The following SPTBN1 variants were observed in gnomAD, a reference collection of about 807,000 sequenced individuals.
SPTBN1 encodes spectrin beta, non-erythrocytic 1, also known as spectrin beta chain, non-erythrocytic 1.
SPTBN1 carries 32 observed loss-of-function variants against 266.4 expected under a neutral mutation model. That is an observed-to-expected ratio of 0.12 (90% CI 0.09 to 0.16). The LOEUF (loss-of-function observed/expected upper bound fraction) is 0.16. Ranked by LOEUF, SPTBN1 falls within the 10% of genes least tolerant of loss-of-function variation. The probability of loss-of-function intolerance (pLI) is 1.00; values close to 1 mark genes in which losing one functional copy is unlikely to be tolerated. For missense variants in SPTBN1, 2,296 were observed against 3,067.1 expected (o/e 0.75, Z 5.94); for synonymous variants, 1,336 against 1,162.2 (o/e 1.15, Z -3.04).
Position 54,477,012 on chromosome 2 carries a change from C to G in SPTBN1, c.-48+20494C>G, listed in dbSNP as rs865901708. 1.7e-3 allele frequency among the ~76,000 whole-genome samples: 160 copies of G among 96,002 alleles called. No homozygotes were observed. In the Middle Eastern group the frequency reaches 0.025, roughly 15 times the overall value. 63.0% of individuals were successfully genotyped at this position (96,002 alleles called of 152,430 possible). On this transcript the variant is annotated intron_variant, in intron 1 of 35. Coordinates refer to ENST00000356805, the MANE Select transcript of SPTBN1 (RefSeq NM_003128.3). The stretch of plus-strand genomic sequence containing the variant: ...GGTTTGGACAGATGGTCCAAACACA[C>G]CGAGTTTTTTTTTTATTGGCTTCAG...
At position 54,616,443 on chromosome 2, in the gene SPTBN1, T is replaced by C. The variant is rs1677618535; in HGVS notation, c.566+145T>C. 5 of 560,086 alleles carry C rather than the reference T, an allele frequency of 8.9e-6. No homozygotes were observed. In the South Asian group the frequency reaches 1.4e-4, roughly 16 times the overall value. 34.7% of individuals were successfully genotyped at this position (560,086 alleles called of 1,614,324 possible). ...AACTCGCAAGCAGTTGATATGACTT[T>C]TCAATTAGCTCTCAGAATGAAAGGA... is the stretch of plus-strand genomic sequence containing the variant. On this transcript the variant is annotated intron_variant, in intron 5 of 35. Transcript: ENST00000356805.
chr2:54,665,978 G>T lies in SPTBN1; in HGVS notation c.6723G>T (p.Lys2241Asn). ...AAATGGGTTTCTACAAAGATGCAAA[G>T]ACTGCTGCTTCTGGAATTCCCTACC... is the stretch of plus-strand genomic sequence containing the variant. ...NQEMGFYKDA[K>N]TAASGIPYHS... The change falls in exon 34 of 36, where the codon AAG (lysine) becomes AAT (asparagine). Residue 2241 changes from lysine to asparagine, a missense_variant. Physicochemically the swap from Lys to Asn is moderately conservative, Grantham distance 94 (BLOSUM62 0). This residue lies in a region of SPTBN1 where 347 missense variants were observed against 368.5 expected (regional missense o/e 0.94). Transcript: ENST00000356805. 1.2e-6 allele frequency: 2 copies of T among 1,614,114 alleles called. No individual in the cohort carries two copies. Among genetic ancestry groups the T allele is most frequent in the Non-Finnish European group, 1.7e-6 (2 of 1,180,024 alleles).
chr2:54,605,407 G>A (rs894140569), intron 3 of SPTBN1, among the ~76,000 whole-genome samples: 4 of 152,138 alleles, frequency 2.6e-5, no homozygotes, highest in African/African-American at 9.7e-5. Flanking sequence ...CTGAGCCACT[G>A]TGTCTTCATG....
At chr2:54,647,345 G>A in intron 24 of SPTBN1, 84 bp downstream of exon 24, 1 of 1,549,528 alleles carries the variant, frequency 6.5e-7, no homozygotes, top group Non-Finnish European at 8.7e-7. Flanking sequence ...AAAAGAAAAT[G>A]TCAGCATTCA....
intron 2 of SPTBN1, among the ~76,000 whole-genome samples, chr2:54,581,527 C>T (rs929546570): frequency 1.3e-5 from 2 of 150,826 alleles, no homozygotes; most frequent in African/African-American, 2.4e-5. Flanking sequence ...GCAGGCAAGC[C>T]GACCCTTGGG....
chr2:54,527,134 C>G (rs1670863710), intron 2 of SPTBN1: 2 of 151,412 alleles, frequency 1.3e-5, no homozygotes, highest in Admixed American at 6.6e-5. Context: ...AGCACACTTT[C>G]TCCATGGCCC....
At chr2:54,537,353 T>C (rs1671674628) in intron 2 of SPTBN1, among the ~76,000 whole-genome samples, 1 of 152,220 alleles carries the variant, frequency 6.6e-6, no homozygotes, top group Non-Finnish European at 1.5e-5. Flanking sequence ...GGGGTTTTGA[T>C]TGACCCGGAA....
intron 2 of SPTBN1, among the ~76,000 whole-genome samples, chr2:54,563,694 T>C (rs1673481429): frequency 7.1e-6 from 1 of 140,386 alleles, no homozygotes; most frequent in African/African-American, 2.6e-5. Flanking sequence ...ACCTCTGCCT[T>C]CCGGGTTCAA....
At chr2:54,478,272 C>T (rs1667939067) in intron 1 of SPTBN1, among the ~76,000 whole-genome samples, 1 of 152,060 alleles carries the variant, frequency 6.6e-6, no homozygotes, top group African/African-American at 2.4e-5. Flanking sequence ...CCCTCAGATG[C>T]TTGTGTCAGG....
chr2:54,669,099 C>G lies in SPTBN1; in HGVS notation c.*530C>G, dbSNP rs1422780173. The G allele has an allele frequency of 1.9e-5, 3 of 156,610 alleles. No homozygotes were observed. The highest frequency in any genetic ancestry group is 7.2e-5 in the African/African-American group (3 of 41,572). The allele number at this position is 156,610 out of a possible 1,614,324, so 9.7% of individuals were successfully genotyped here. Reference sequence around the variant, plus strand: ...ACAGTGCAGCTCCACATTAACTCTACAGACCAAACCATTTGTATCTGGCAT... The same window carrying G: ...ACAGTGCAGCTCCACATTAACTCTAGAGACCAAACCATTTGTATCTGGCAT... On this transcript the variant is annotated 3_prime_UTR_variant, in exon 36 of 36. Transcript: ENST00000356805.
At position 54,669,798 on chromosome 2, in the gene SPTBN1, T is replaced by A. The variant is rs1271169119; in HGVS notation, c.*1229T>A. 1.3e-5 allele frequency: 2 copies of A among 152,356 alleles called. No individual in the cohort carries two copies. Among genetic ancestry groups the A allele is most frequent in the African/African-American group, 4.8e-5 (2 of 41,470 alleles). The allele number at this position is 152,356 out of a possible 1,614,324, so 9.4% of individuals were successfully genotyped here. On this transcript the variant is annotated 3_prime_UTR_variant, in exon 36 of 36. Transcript: ENST00000356805. ...AGTCTGGGCTCACTTTTGCATTTTTTATGCATGTCTGGTGCACAAGCTTTG... is the reference window on the plus strand; with the variant it reads ...AGTCTGGGCTCACTTTTGCATTTTTAATGCATGTCTGGTGCACAAGCTTTG...
chr2:54,592,658 G>GAATT (rs1675760052), intron 2 of SPTBN1, among the ~76,000 whole-genome samples: 1 of 152,158 alleles, frequency 6.6e-6, no homozygotes, highest in Non-Finnish European at 1.5e-5. Flanking sequence ...AAAGTGCTGG[G>GAATT]AATTACAGGT....
In SPTBN1 at chr2:54,508,723, T is replaced by C. The variant is rs1204341754; in HGVS notation, c.-47-17649T>C. On this transcript the variant is annotated intron_variant, in intron 1 of 35. Coordinates refer to ENST00000356805, the MANE Select transcript of SPTBN1 (RefSeq NM_003128.3). The stretch of plus-strand genomic sequence containing the variant: ...CAGATGAGAAGGAGGAAAACTGCCC[T>C]GAGGGATAGAAGTTGGAACGCTAGC... 2.0e-5 allele frequency among the ~76,000 whole-genome samples: 3 copies of C among 152,288 alleles called. No homozygotes were observed. In the East Asian group the frequency reaches 5.8e-4, roughly 29 times the overall value.
intron 1 of SPTBN1, among the ~76,000 whole-genome samples, chr2:54,474,485 G>C (rs1217044894): frequency 6.6e-6 from 1 of 152,064 alleles, no homozygotes; most frequent in Non-Finnish European, 1.5e-5. Context: ...GTAAGATCAG[G>C]ATAATCATAG....
intron 2 of SPTBN1, among the ~76,000 whole-genome samples, chr2:54,571,470 C>T (rs1232150308): frequency 2.0e-5 from 3 of 151,954 alleles, no homozygotes; most frequent in Non-Finnish European, 4.4e-5. Context: ...GGGAATCTTC[C>T]TCAGTCCCAG....
chr2:54,620,130 C>T (rs79577080), intron 7 of SPTBN1, among the ~76,000 whole-genome samples: 5,853 of 152,296 alleles, frequency 0.038, 147 homozygotes, highest in Admixed American at 0.086. Context: ...ACCTGCTTTG[C>T]GCAGGACAGC....
intron 2 of SPTBN1, among the ~76,000 whole-genome samples, chr2:54,586,034 T>C (rs1370943110): frequency 1.3e-5 from 2 of 152,244 alleles, no homozygotes; most frequent in African/African-American, 4.8e-5. Flanking sequence ...TAAAATTCTT[T>C]AGTTTCAGAA....
rs575328693 is a variant in SPTBN1 at position 54,506,468 on chromosome 2, T to C, written c.-47-19904T>C. 4.3e-4 allele frequency among the ~76,000 whole-genome samples: 65 copies of C among 152,264 alleles called. 1 individual carries two copies. The highest frequency in any genetic ancestry group is 3.7e-3 in the Admixed American group (56 of 15,312). On this transcript the variant is annotated intron_variant, in intron 1 of 35. Coordinates refer to ENST00000356805, the MANE Select transcript of SPTBN1 (RefSeq NM_003128.3). The stretch of plus-strand genomic sequence containing the variant: ...AGCTTATCTGTTTGGTTTTTTTTTT[T>C]CTACTTATAGTTTACATTTGAAAAA...
chr2:54,541,367 G>T (rs962925256), intron 2 of SPTBN1, among the ~76,000 whole-genome samples: 1 of 152,220 alleles, frequency 6.6e-6, no homozygotes, highest in African/African-American at 2.4e-5. Context: ...TGTTAGTATG[G>T]ATGCTTGTAA....
Sources: allele counts gnomAD v4.1 joint callset (sites outside exome capture counted in the v4.1 genomes callset), GRCh38; gene constraint gnomAD v4.1.1; regional missense constraint gnomAD v4.1.1; transcripts MANE v1.5; gene names NCBI Gene and HGNC (gene_info 2026-07-23, HGNC 2026-07-21).